ELOVL7: variants seen among roughly 807,000 people sequenced by gnomAD.
ELOVL7 encodes ELOVL fatty acid elongase 7.
In ELOVL7, 27 loss-of-function variants were observed where a neutral mutation model predicts 35.7. The ratio of observed to expected loss-of-function variants is 0.76; its 90% CI spans 0.56 to 1.04. The LOEUF (loss-of-function observed/expected upper bound fraction) is 1.04, where lower values mean the gene tolerates loss of function less well. ELOVL7 is among the 50% of genes least tolerant of loss of function. The pLI, the probability that ELOVL7 is intolerant of heterozygous loss-of-function variation, is 0.00. For missense variants in ELOVL7, 327 were observed against 340.8 expected, an observed-to-expected ratio of 0.96 and a Z score of 0.32; for synonymous variants, 113 against 114.6, an observed-to-expected ratio of 0.99 and a Z score of 0.09.
chr5:60,822,169 A>T (rs1745927875), intron 1 of ELOVL7, among the ~76,000 whole-genome samples: 1 of 152,256 alleles, frequency 6.6e-6, no homozygotes, highest in Non-Finnish European at 1.5e-5. Flanking sequence ...TTCTTGGTGA[A>T]CAGTAGGAAT....
chr5:60,771,896 C>A lies in ELOVL7; in HGVS notation c.255+7G>T. ...ATTCTCCCATTAGGAATACTGAAGA[C>A]ACTTGCCTCATAACACATATACACA... On this transcript the variant is annotated splice_region_variant and intron_variant, in intron 4 of 8. Transcript: ENST00000508821. The A allele has an allele frequency of 6.3e-7, 1 of 1,575,710 alleles. No individual in the cohort carries two copies. The highest frequency in any genetic ancestry group is 8.6e-7 in the Non-Finnish European group (1 of 1,156,480).
Position 60,754,713 on chromosome 5 carries a change from A to G in ELOVL7, c.757T>C (p.Phe253Leu). 2 of 1,614,214 alleles carry G rather than the reference A, an allele frequency of 1.2e-6. No individual in the cohort carries two copies. The highest frequency in any genetic ancestry group is 1.7e-5 in the Admixed American group (1 of 60,028). Residue 253 changes from phenylalanine (F) to leucine (L), a missense_variant, in exon 9 of 9, where the codon TTT becomes CTT. Coordinates refer to ENST00000508821, the MANE Select transcript of ELOVL7 (RefSeq NM_024930.3). ...MSYSFMFLLL[F>L]LHFWYRAYTK... is the part of the protein sequence containing the mutation. Reference sequence around the variant, plus strand: ...TAAGCACGGTACCAAAAATGGAGAAAGAGCAGCAGAAACATGAAACTGTAA... The same window carrying G: ...TAAGCACGGTACCAAAAATGGAGAAGGAGCAGCAGAAACATGAAACTGTAA...
intron 5 of ELOVL7, 125 bp from the exon 6 acceptor site, chr5:60,766,755 A>C (rs560125608): frequency 2.4e-5 from 17 of 697,678 alleles, no homozygotes; most frequent in Non-Finnish European, 3.3e-5. Flanking sequence ...TGCACAGTTA[A>C]GTGGCATTAA....
At chr5:60,794,118 T>C (rs1171481849) in intron 2 of ELOVL7, among the ~76,000 whole-genome samples, 1 of 152,208 alleles carries the variant, frequency 6.6e-6, no homozygotes, top group Non-Finnish European at 1.5e-5. Context: ...CTGGTGCTGG[T>C]GTTTCATTGC....
chr5:60,839,841 G>A (rs1351715715), intron 1 of ELOVL7, among the ~76,000 whole-genome samples: 2 of 152,118 alleles, frequency 1.3e-5, no homozygotes, highest in Non-Finnish European at 2.9e-5. Context: ...CTCTATAAAA[G>A]ATACAAAAAA....
At chr5:60,837,080 T>A (rs996040555) in intron 1 of ELOVL7, among the ~76,000 whole-genome samples, 1 of 151,594 alleles carries the variant, frequency 6.6e-6, no homozygotes, top group Admixed American at 6.6e-5. Context: ...TCTGTACCTG[T>A]GCATATGATG....
intron 8 of ELOVL7, among the ~76,000 whole-genome samples, chr5:60,755,492 A>G (rs1051806848): frequency 3.3e-5 from 5 of 152,126 alleles, no homozygotes; most frequent in Non-Finnish European, 7.4e-5. Context: ...CCCCATCTCT[A>G]CTAAAAATAC....
At chr5:60,826,443 C>T (rs935573894) in intron 1 of ELOVL7, among the ~76,000 whole-genome samples, 3 of 152,030 alleles carry the variant, frequency 2.0e-5, no homozygotes, top group Admixed American at 1.3e-4. Flanking sequence ...CTGGATGATT[C>T]AGGGATACTA....
chr5:60,788,367 A>G (rs1743725169), intron 2 of ELOVL7, among the ~76,000 whole-genome samples: 1 of 152,158 alleles, frequency 6.6e-6, no homozygotes, highest in South Asian at 2.1e-4. Context: ...GCTGCACAAC[A>G]ATGTAAATGT....
intron 3 of ELOVL7, among the ~76,000 whole-genome samples, chr5:60,773,879 G>A (rs369398102): frequency 6.6e-6 from 1 of 152,226 alleles, no homozygotes; most frequent in South Asian, 2.1e-4. Context: ...AATGCTTCAT[G>A]TTCATCATGA....
At chr5:60,790,052 G>A (rs1486424478) in intron 2 of ELOVL7, among the ~76,000 whole-genome samples, 5 of 152,048 alleles carry the variant, frequency 3.3e-5, no homozygotes, top group African/African-American at 7.2e-5. Flanking sequence ...CAGGGGAATC[G>A]CTTGAACCTG....
At position 60,767,879 on chromosome 5, in the gene ELOVL7, C is replaced by T; in HGVS notation, c.280G>A (p.Gly94Ser). The change falls in exon 5 of 9, where the codon GGT (glycine) becomes AGT (serine). Residue 94 changes from glycine to serine, a missense_variant. By Grantham distance (56) the Gly-to-Ser change is moderately conservative. Coordinates refer to ENST00000508821, the MANE Select transcript of ELOVL7 (RefSeq NM_024930.3). ...YEFVMSGWGI[G>S]YSFRCDIVDY... ...ACAATGTCACATCGAAATGAATAAC[C>T]TATACCCCAGCCAGACATCACAAAC... 6.2e-7 allele frequency: 1 copy of T among 1,613,878 alleles called. No homozygotes were observed. Among genetic ancestry groups the T allele is most frequent in the Non-Finnish European group, 8.5e-7 (1 of 1,179,852 alleles).
At chr5:60,771,850 A>G in intron 4 of ELOVL7, 53 bp downstream of exon 4, 1 of 1,303,284 alleles carries the variant, frequency 7.7e-7, no homozygotes. Flanking sequence ...AATGACACAT[A>G]AACAGAAAAA....
At chr5:60,821,762 T>C (rs1745903379) in intron 1 of ELOVL7, among the ~76,000 whole-genome samples, 1 of 152,224 alleles carries the variant, frequency 6.6e-6, no homozygotes, top group African/African-American at 2.4e-5. Context: ...AGTGTAAGCA[T>C]TTAGAAATGT....
intron 7 of ELOVL7, among the ~76,000 whole-genome samples, chr5:60,758,554 T>A (rs186564005): frequency 5.9e-5 from 9 of 152,314 alleles, no homozygotes; most frequent in Admixed American, 5.2e-4. Flanking sequence ...GGCTTCCAAT[T>A]GATTATGCCT....
chr5:60,786,958 TAAA>T (rs879291486), intron 3 of ELOVL7, among the ~76,000 whole-genome samples: 1 of 137,828 alleles, frequency 7.3e-6, no homozygotes. Flanking sequence ...GACTCTGTCT[TAAA>T]AAAAAAAAAA....
chr5:60,810,207 A>G (rs887239341), intron 1 of ELOVL7, among the ~76,000 whole-genome samples: 6 of 152,208 alleles, frequency 3.9e-5, no homozygotes, highest in Non-Finnish European at 7.3e-5. Flanking sequence ...GAAGGAAAAC[A>G]TTTGTGGGCA....
At chr5:60,766,694 T>A in intron 5 of ELOVL7, 64 bp from the exon 6 acceptor site, 1 of 1,493,706 alleles carries the variant, frequency 6.7e-7, no homozygotes. Context: ...TATTTTTAAA[T>A]TTTGGTAAAA....
At chr5:60,837,315 TG>T (rs1227317155) in intron 1 of ELOVL7, among the ~76,000 whole-genome samples, 3 of 24,520 alleles carry the variant, frequency 1.2e-4, no homozygotes, top group Non-Finnish European at 7.1e-5. Context: ...GGCGGGGGGG[TG>T]GGGGGGGAGT....
Sources: allele counts gnomAD v4.1 joint callset (sites outside exome capture counted in the v4.1 genomes callset), GRCh38; gene constraint gnomAD v4.1.1; transcripts MANE v1.5; gene names NCBI Gene and HGNC (gene_info 2026-07-23, HGNC 2026-07-21).